ABCG1: variants seen among roughly 807,000 people sequenced by gnomAD.
ABCG1 encodes the protein ATP binding cassette subfamily G member 1.
Under a neutral mutation model 69.2 loss-of-function variants are expected in ABCG1, and 29 were observed. That is an observed-to-expected ratio of 0.42 (90% CI 0.31 to 0.57). The LOEUF (loss-of-function observed/expected upper bound fraction) is 0.57. Among genes scored for constraint, ABCG1 ranks in the 20% least tolerant of loss-of-function variants. The probability of loss-of-function intolerance (pLI) is 0.15; values close to 1 mark genes in which losing one functional copy is unlikely to be tolerated. For missense variants in ABCG1, 718 were observed against 898.1 expected (o/e 0.80, Z 2.56); for synonymous variants, 370 against 374.8 (o/e 0.99, Z 0.15).
intron 4 of ABCG1, among the ~76,000 whole-genome samples, chr21:42,275,957 G>C (rs1490060187): frequency 6.6e-6 from 1 of 152,206 alleles, no homozygotes; most frequent in African/African-American, 2.4e-5. Context: ...GCCTGACCCT[G>C]TCCAGCTCTG....
intron 2 of ABCG1, among the ~76,000 whole-genome samples, chr21:42,253,326 G>C (rs779410580): frequency 5.9e-5 from 9 of 152,196 alleles, no homozygotes; most frequent in Admixed American, 2.0e-4. Context: ...GCACCGCTGT[G>C]GGGGAAGGAT....
chr21:42,271,459 G>T (rs1233532396), intron 3 of ABCG1, among the ~76,000 whole-genome samples: 4 of 150,434 alleles, frequency 2.7e-5, no homozygotes, highest in Non-Finnish European at 5.9e-5. Context: ...AAGTAGGAAG[G>T]TCAAGTTCAG....
At chr21:42,212,401 A>G (rs1006730212), upstream of ABCG1, among the ~76,000 whole-genome samples, 12 of 152,166 alleles carry the variant, frequency 7.9e-5, no homozygotes, top group Admixed American at 7.2e-4. Flanking sequence ...CTCCGAGATT[A>G]TGTAAGTGGC....
In ABCG1 at chr21:42,295,572, A is replaced by T. The variant is rs376316020; in HGVS notation, c.1773-592A>T. ...AGCTGCAGAAGTTCCATGTGACACTAAGATCCAAAGTTGGGAACAAGCTCT... is the reference window on the plus strand; with the variant it reads ...AGCTGCAGAAGTTCCATGTGACACTTAGATCCAAAGTTGGGAACAAGCTCT... On this transcript the variant is annotated intron_variant, in intron 14 of 14. Transcript: ENST00000398449. Among the ~76,000 whole-genome samples, 14 of 152,318 alleles carry T rather than the reference A, an allele frequency of 9.2e-5. No homozygotes were observed. In the East Asian group the frequency reaches 2.7e-3, roughly 29 times the overall value.
At position 42,290,096 on chromosome 21, in the gene ABCG1, T is replaced by C; in HGVS notation, c.1271T>C (p.Leu424Pro). 1 of 1,614,230 alleles carries C rather than the reference T, an allele frequency of 6.2e-7. No individual in the cohort carries two copies. The highest frequency in any genetic ancestry group is 8.5e-7 in the Non-Finnish European group (1 of 1,180,052). The change falls in exon 11 of 15, where the codon CTC becomes CCC. Residue 424 changes from leucine to proline, a missense_variant. Coordinates refer to ENST00000398449, the MANE Select transcript of ABCG1 (RefSeq NM_016818.3). Reference sequence around the variant, plus strand: ...ACCTCGCACATTGGGATCGGCCTCCTCATTGGCCTGCTGTACTTGGGGATC... The same window carrying C: ...ACCTCGCACATTGGGATCGGCCTCCCCATTGGCCTGCTGTACTTGGGGATC... ...RITSHIGIGL[L>P]IGLLYLGIGN... is the part of the protein sequence containing the mutation.
intron 5 of ABCG1, among the ~76,000 whole-genome samples, chr21:42,277,468 A>ATT (rs34761716): frequency 9.3e-4 from 139 of 149,400 alleles, no homozygotes; most frequent in Middle Eastern, 3.5e-3. Context: ...CCCTTTAGCC[A>ATT]TTTTTTTTTT....
chr21:42,291,336 G>C lies in ABCG1; in HGVS notation c.1494+144G>C. The C allele has an allele frequency of 8.3e-7, 1 of 1,202,404 alleles. No homozygotes were observed. The highest frequency in any genetic ancestry group is 1.4e-5 in the South Asian group (1 of 70,808). 74.5% of individuals were successfully genotyped at this position (1,202,404 alleles called of 1,614,324 possible). On this transcript the variant is annotated intron_variant, in intron 12 of 14. Transcript: ENST00000398449. This position sits in a 1 kb window ranked among gnomAD's most constrained non-coding sequence, Gnocchi z 6.4. ...TGGTGGGAGCTGCGGGGAAGGGCCT[G>C]ACTTCGGGAGCTGTGGCGGGAGCTG...
rs756042905 is a variant in ABCG1, at chr21:42,256,469, T to A, written c.287-14601T>A. ...GGCCGCAGAGTATCCACACCCTGGC[T>A]GGGTGTACTGGCTACAGATGGCTGT... On this transcript the variant is annotated intron_variant, in intron 2 of 14. Transcript: ENST00000398449. The A allele has an allele frequency of 1.1e-5, 17 of 1,549,804 alleles. No individual in the cohort carries two copies. The South Asian group carries it at 1.8e-4, about 16-fold the overall frequency.
At chr21:42,260,435 A>G (rs150206657) in intron 2 of ABCG1, among the ~76,000 whole-genome samples, 219 of 152,238 alleles carry the variant, frequency 1.4e-3, no homozygotes, top group African/African-American at 5.1e-3. Context: ...CCTCTGCAGG[A>G]TTTTGTTTGG....
chr21:42,242,933 A>G (rs2068073332), intron 2 of ABCG1, among the ~76,000 whole-genome samples: 1 of 152,128 alleles, frequency 6.6e-6, no homozygotes, highest in Non-Finnish European at 1.5e-5. Flanking sequence ...GTGTCTGATA[A>G]GTATGGGGCG....
upstream of ABCG1, among the ~76,000 whole-genome samples, chr21:42,214,689 C>T (rs137867149): frequency 1.3e-3 from 205 of 152,368 alleles, no homozygotes; most frequent in African/African-American, 4.7e-3. Flanking sequence ...CCTACTTACA[C>T]TTGGGGCAGC....
upstream of ABCG1, among the ~76,000 whole-genome samples, chr21:42,217,049 C>T (rs1193673357): frequency 6.6e-6 from 1 of 152,208 alleles, no homozygotes; most frequent in African/African-American, 2.4e-5. Flanking sequence ...CATCCTCACG[C>T]TCCACACACC....
chr21:42,238,938 ATGT>A (rs1268292886), intron 2 of ABCG1, among the ~76,000 whole-genome samples: 1 of 152,248 alleles, frequency 6.6e-6, no homozygotes, highest in Non-Finnish European at 1.5e-5. Flanking sequence ...AAATCCATTA[ATGT>A]TGTAGCTTTA....
chr21:42,229,674 C>A lies in ABCG1; in HGVS notation c.286+3760C>A, dbSNP rs151293605. ...GGCAGAGGTTGCAGTGAGTCGGGAT[C>A]GTACCATTGTACTCCAGCCCAGGTG... On this transcript the variant is annotated intron_variant, in intron 2 of 14. Transcript: ENST00000398449. Among the ~76,000 whole-genome samples the A allele has an allele frequency of 8.6e-3, 1,307 of 151,902 alleles. 21 individuals are homozygous for A. Among genetic ancestry groups the A allele is most frequent in the African/African-American group, 0.03 (1,246 of 41,400 alleles).
intron 2 of ABCG1, among the ~76,000 whole-genome samples, chr21:42,232,687 T>G (rs1471004487): frequency 1.3e-5 from 2 of 152,198 alleles, no homozygotes; most frequent in African/African-American, 4.8e-5. Flanking sequence ...CTTCCTCTAC[T>G]GCCTTGAATA....
rs2068986430 is a variant in ABCG1, at chr21:42,288,306, G to T, written c.1218G>T (p.Arg406Ser). Residue 406 changes from arginine (R) to serine (S), a missense_variant, in exon 10 of 15, where the codon AGG becomes AGT. Arg to Ser is a moderately radical substitution (Grantham distance 110). Around this residue, in one of 2 missense-constraint regions of ABCG1, gnomAD observed 514 missense variants for 574.3 expected, o/e 0.90. Coordinates refer to ENST00000398449, the MANE Select transcript of ABCG1 (RefSeq NM_016818.3). This position sits in a 1 kb window ranked among gnomAD's most constrained non-coding sequence, Gnocchi z 4.8. ...AGAGGACCTTCCTCAGCATCATGAG[G>T]GACTCGGTAAGGCTGCCCGCATCTT... is the stretch of plus-strand genomic sequence containing the variant. The part of the protein sequence containing the change: ...LFKRTFLSIM[R>S]DSVLTHLRIT... 2.5e-6 allele frequency: 4 copies of T among 1,598,254 alleles called. No homozygotes were observed. The highest frequency in any genetic ancestry group is 3.4e-6 in the Non-Finnish European group (4 of 1,171,316).
At chr21:42,220,408 C>T (rs920509754) in intron 1 of ABCG1, among the ~76,000 whole-genome samples, 1 of 151,630 alleles carries the variant, frequency 6.6e-6, no homozygotes, top group African/African-American at 2.4e-5. Context: ...TACCTCTTGC[C>T]TTGAGCTCAA....
intron 2 of ABCG1, chr21:42,256,110 C>G (rs1419318180): frequency 7.5e-7 from 1 of 1,335,760 alleles, no homozygotes; most frequent in Non-Finnish European, 9.6e-7. Flanking sequence ...CTGGGTGAGG[C>G]CCGTGACCTT....
rs1432649423 is a variant in ABCG1, at chr21:42,283,903, C to G, written c.735-657C>G. Among the ~76,000 whole-genome samples the G allele has an allele frequency of 6.5e-4, 3 of 4,628 alleles. 1 individual carries two copies. Among genetic ancestry groups the G allele is most frequent in the South Asian group, 4.9e-3 (1 of 206 alleles). 3.0% of individuals were successfully genotyped at this position (4,628 alleles called of 152,430 possible). On this transcript the variant is annotated intron_variant, in intron 6 of 14. Transcript: ENST00000398449. The stretch of plus-strand genomic sequence containing the variant: ...CGCCTGGACAGTTGCAAAGTCCCCC[C>G]GCCCAGATGAGTGGGGACCCCCCCA...
Sources: allele counts gnomAD v4.1 joint callset (sites outside exome capture counted in the v4.1 genomes callset), GRCh38; gene constraint gnomAD v4.1.1; regional missense constraint gnomAD v4.1.1; non-coding constraint Gnocchi (gnomAD v3.1); transcripts MANE v1.5; gene names NCBI Gene and HGNC (gene_info 2026-07-23, HGNC 2026-07-21).